Variants in LPIN1 observed in about 807,000 individuals in gnomAD.
LPIN1 encodes the protein lipin 1.
In LPIN1, 71 loss-of-function variants were observed where a neutral mutation model predicts 107.5. The ratio of observed to expected loss-of-function variants is 0.66; its 90% CI spans 0.55 to 0.80. The LOEUF is 0.80. Among genes scored for constraint, LPIN1 ranks in the 30% least tolerant of loss-of-function variants. The pLI is 0.00. For synonymous variants in LPIN1, 445 were observed against 452.6 expected (o/e 0.98, Z 0.21); for missense variants, 1,043 against 1,160.6 (o/e 0.90, Z 1.47).
chr2:11,767,007 T>C (rs910131118), intron 2 of LPIN1, among the ~76,000 whole-genome samples: 2 of 152,256 alleles, frequency 1.3e-5, no homozygotes, highest in South Asian at 2.1e-4. Context: ...GTTCAGTCAG[T>C]TGCGAGCTTA....
At chr2:11,814,744 G>A (rs1411165158) in intron 17 of LPIN1, among the ~76,000 whole-genome samples, 3 of 152,144 alleles carry the variant, frequency 2.0e-5, no homozygotes, top group African/African-American at 7.2e-5. Context: ...CAAGAGCTGG[G>A]ACCAGGGGGA....
chr2:11,751,744 C>T (rs928723703), intron 1 of LPIN1, among the ~76,000 whole-genome samples: 3 of 152,086 alleles, frequency 2.0e-5, no homozygotes, highest in Non-Finnish European at 4.4e-5. Context: ...CCCAGCTACT[C>T]GGGAGGCTGA....
chr2:11,747,363 T>G (rs1050064366), intron 1 of LPIN1, among the ~76,000 whole-genome samples: 1 of 152,212 alleles, frequency 6.6e-6, no homozygotes, highest in African/African-American at 2.4e-5. Context: ...AAATGCAGGA[T>G]GAGAAGTAAC....
chr2:11,821,989 G>A (rs1681602985), intron 20 of LPIN1, among the ~76,000 whole-genome samples: 1 of 152,162 alleles, frequency 6.6e-6, no homozygotes, highest in East Asian at 1.9e-4. Context: ...TGTTCTAAGT[G>A]GCTGACTGTG....
chr2:11,794,153 C>T (rs1053354097), intron 13 of LPIN1, among the ~76,000 whole-genome samples: 3 of 152,232 alleles, frequency 2.0e-5, no homozygotes, highest in South Asian at 2.1e-4. Flanking sequence ...CAAAGGTTAC[C>T]GATAAATGAG....
chr2:11,679,775 G>A (rs1661613295), intron 1 of LPIN1, among the ~76,000 whole-genome samples: 1 of 152,250 alleles, frequency 6.6e-6, no homozygotes. Context: ...GGGGAGGCAG[G>A]CCTCCATGGC....
intron 1 of LPIN1, among the ~76,000 whole-genome samples, chr2:11,757,808 A>AG (rs1442270507): frequency 9.9e-5 from 14 of 141,372 alleles, no homozygotes; most frequent in African/African-American, 4.0e-4. Flanking sequence ...TTCTTAAAAA[A>AG]AAAAAGTTAA....
At chr2:11,692,829 C>T (rs1181308343) in intron 1 of LPIN1, among the ~76,000 whole-genome samples, 1 of 152,218 alleles carries the variant, frequency 6.6e-6, no homozygotes, top group Non-Finnish European at 1.5e-5. Flanking sequence ...AATTCTACCT[C>T]CAGATATCAG....
In LPIN1 at chr2:11,759,674, C is replaced by T. The variant is rs537106773; in HGVS notation, c.-9-5859C>T. On this transcript the variant is annotated intron_variant, in intron 1 of 20. Coordinates refer to ENST00000674199, the MANE Select transcript of LPIN1 (RefSeq NM_001349206.2). The stretch of plus-strand genomic sequence containing the variant: ...ACAAAACCGCCATTGTCATCATGGC[C>T]CGTTCTCAATGAGCTGTTGGGTACA... Among the ~76,000 whole-genome samples the T allele has an allele frequency of 3.3e-3, 498 of 152,376 alleles. 2 individuals carry two copies. Among genetic ancestry groups the T allele is most frequent in the African/African-American group, 0.012 (480 of 41,590 alleles).
chr2:11,760,786 A>G (rs1407770551), intron 1 of LPIN1, among the ~76,000 whole-genome samples: 5 of 152,158 alleles, frequency 3.3e-5, no homozygotes, highest in Non-Finnish European at 7.4e-5. Context: ...GTAAAAAAAT[A>G]CCAACAGTAG....
At chr2:11,756,475 G>A (rs567028013) in intron 1 of LPIN1, among the ~76,000 whole-genome samples, 1 of 152,058 alleles carries the variant, frequency 6.6e-6, no homozygotes, top group African/African-American at 2.4e-5. Flanking sequence ...TGCAACCTCT[G>A]CCTCCTGGGT....
chr2:11,693,411 A>G (rs951552997), intron 1 of LPIN1, among the ~76,000 whole-genome samples: 1 of 152,116 alleles, frequency 6.6e-6, no homozygotes, highest in African/African-American at 2.4e-5. Flanking sequence ...GTCTAAATCT[A>G]GAGCCCTGCA....
chr2:11,788,681 C>T (rs542056371), intron 12 of LPIN1, among the ~76,000 whole-genome samples: 11 of 152,282 alleles, frequency 7.2e-5, no homozygotes, highest in South Asian at 2.1e-4. Context: ...CATGGTCGAG[C>T]GGACCGAAGA....
upstream of LPIN1, chr2:11,721,602 A>G (rs1021845404): frequency 6.6e-6 from 1 of 152,170 alleles, no homozygotes; most frequent in Non-Finnish European, 1.5e-5. Flanking sequence ...TCTAGGAGGA[A>G]AAAACATTGA....
At chr2:11,752,250 C>T (rs1667908215) in intron 1 of LPIN1, among the ~76,000 whole-genome samples, 1 of 152,012 alleles carries the variant, frequency 6.6e-6, no homozygotes, top group African/African-American at 2.4e-5. Flanking sequence ...GTCTGATTCT[C>T]CTACTTTTCA....
chr2:11,791,003 G>C (rs1242615491), intron 12 of LPIN1, among the ~76,000 whole-genome samples: 7 of 151,872 alleles, frequency 4.6e-5, no homozygotes, highest in African/African-American at 1.7e-4. Context: ...ATGTGGTTTT[G>C]TTACATTTAT....
intron 1 of LPIN1, among the ~76,000 whole-genome samples, chr2:11,755,399 C>G (rs1558810616): frequency 6.6e-6 from 1 of 152,190 alleles, no homozygotes; most frequent in Non-Finnish European, 1.5e-5. Flanking sequence ...ATAAAAGTTT[C>G]TTGCTTGAGA....
Position 11,771,274 on chromosome 2 carries a change from C to T in LPIN1, c.289-98C>T. 1.6e-6 allele frequency: 2 copies of T among 1,212,154 alleles called. No homozygotes were observed. The highest frequency in any genetic ancestry group is 4.7e-5 in the East Asian group (2 of 42,390). The allele number at this position is 1,212,154 out of a possible 1,614,324, so 75.1% of individuals were successfully genotyped here. On this transcript the variant is annotated intron_variant, in intron 3 of 20. Coordinates refer to ENST00000674199, the MANE Select transcript of LPIN1 (RefSeq NM_001349206.2). The surrounding 1 kb of genome is among the most constrained non-coding windows in gnomAD (Gnocchi z 4.8). ...CTGCTGTGGCCCTCCCCAGGAGGTG[C>T]TTGGCCTCTGAAGTGAATCCTGGAG...
rs555094180 is a variant in LPIN1 at position 11,685,725 on chromosome 2, A to T, written c.81+7997A>T. Among the ~76,000 whole-genome samples the T allele has an allele frequency of 2.0e-5, 3 of 152,232 alleles. No individual in the cohort carries two copies. The South Asian group carries it at 6.2e-4, about 32-fold the overall frequency. On this transcript the variant is annotated intron_variant, in intron 1 of 21. Transcript: ENST00000449576. ...TATGGCAGAGCTAAGACTAACAGTC[A>T]CTTCCTGATTTCCCATCGAGGAATG...
Sources: gnomAD v4.1 joint callset for allele counts (sites outside exome capture counted in the v4.1 genomes callset) on GRCh38, gnomAD v4.1.1 for gene constraint, Gnocchi (gnomAD v3.1) non-coding constraint, MANE v1.5 for transcripts, NCBI Gene and HGNC (gene_info 2026-07-23, HGNC 2026-07-21) for gene names.